The following MMS22L variants were observed in gnomAD, a reference collection of about 807,000 sequenced individuals.
MMS22L encodes protein MMS22-like.
Under a neutral mutation model 159.1 loss-of-function variants are expected in MMS22L, and 74 were observed. That is an observed-to-expected ratio of 0.47 (90% CI 0.39 to 0.56). MMS22L has a LOEUF of 0.56. MMS22L is among the 20% of genes least tolerant of loss of function. The pLI is 0.00. For synonymous variants in MMS22L, 517 were observed against 506.9 expected, an observed-to-expected ratio of 1.02 and a Z score of -0.27; for missense variants, 1,351 against 1,422.1, an observed-to-expected ratio of 0.95 and a Z score of 0.80.
At chr6:97,204,794 CA>C (rs58113888) in intron 14 of MMS22L, among the ~76,000 whole-genome samples, 8,315 of 106,218 alleles carry the variant, frequency 0.078, 323 homozygotes, top group African/African-American at 0.18. Context: ...GACTCAGTGT[CA>C]AAAAAAAAAA....
chr6:97,172,470 A>T (rs1220416733), intron 19 of MMS22L, among the ~76,000 whole-genome samples: 1 of 152,134 alleles, frequency 6.6e-6, no homozygotes, highest in Non-Finnish European at 1.5e-5. Flanking sequence ...CCTTTATCCA[A>T]TTCCTAGTTT....
chr6:97,251,510 T>C (rs1039382715), intron 10 of MMS22L, among the ~76,000 whole-genome samples: 6 of 152,240 alleles, frequency 3.9e-5, no homozygotes, highest in Admixed American at 2.0e-4. Context: ...AGGACTCATA[T>C]ATAAAGGCAA....
intron 6 of MMS22L, chr6:97,270,370 T>G: frequency 2.3e-6 from 1 of 441,526 alleles, no homozygotes; most frequent in East Asian, 6.9e-5. Flanking sequence ...AATGTATGAG[T>G]ACCCAGGAAC....
intron 3 of MMS22L, among the ~76,000 whole-genome samples, chr6:97,279,234 A>T (rs530889189): frequency 1.3e-5 from 2 of 152,218 alleles, no homozygotes; most frequent in Non-Finnish European, 2.9e-5. Context: ...CTGTAATCCC[A>T]GCACTTTGGG....
At chr6:97,255,437 C>A (rs939332716) in intron 9 of MMS22L, among the ~76,000 whole-genome samples, 1 of 151,966 alleles carries the variant, frequency 6.6e-6, no homozygotes, top group African/African-American at 2.4e-5. Context: ...TTTGAGGAAC[C>A]AACTTTTGCT....
In MMS22L at chr6:97,256,549, G is replaced by A. The variant is rs181329942; in HGVS notation, c.943-1816C>T. Reference sequence around the variant, plus strand: ...ACCTCACTTTTTAAAGATATTAATAGGTAAAGAATTTTAGGTTGACAAATA... The same window carrying A: ...ACCTCACTTTTTAAAGATATTAATAAGTAAAGAATTTTAGGTTGACAAATA... On this transcript the variant is annotated intron_variant, in intron 9 of 24. Transcript: ENST00000683635. Among the ~76,000 whole-genome samples the A allele has an allele frequency of 3.1e-3, 476 of 152,170 alleles. 2 individuals are homozygous for A. The highest frequency in any genetic ancestry group is 0.011 in the African/African-American group (443 of 41,488).
intron 11 of MMS22L, among the ~76,000 whole-genome samples, chr6:97,244,865 C>G (rs1269989584): frequency 6.6e-6 from 1 of 152,034 alleles, no homozygotes; most frequent in Non-Finnish European, 1.5e-5. Context: ...GGGCTTGATG[C>G]GACCACTGTG....
Position 97,165,448 on chromosome 6 carries a change from T to C in MMS22L, c.3019A>G (p.Ile1007Val), listed in dbSNP as rs368118820. ...GGATTTTGAGATTGACAACACACGA[T>C]ACACATGCCCTACAAGGAAAAAAAG... is the stretch of plus-strand genomic sequence containing the variant. Reference protein sequence around the residue: ...SLPLYLQGMCIVCCQSQNPNA... With the variant: ...SLPLYLQGMCVVCCQSQNPNA... Residue 1007 changes from isoleucine (I) to valine (V), a missense_variant, in exon 21 of 25, where the codon ATC (isoleucine) becomes GTC (valine). Ile to Val is a conservative substitution (Grantham distance 29). Coordinates refer to ENST00000683635, the MANE Select transcript of MMS22L (RefSeq NM_001350599.2). 4.3e-6 allele frequency: 7 copies of C among 1,611,436 alleles called. No homozygotes were observed. In the South Asian group the frequency reaches 6.6e-5, roughly 15 times the overall value.
intron 24 of MMS22L, among the ~76,000 whole-genome samples, chr6:97,147,692 T>C (rs1800982160): frequency 6.6e-6 from 1 of 152,174 alleles, no homozygotes; most frequent in Non-Finnish European, 1.5e-5. Context: ...AGCTACAATT[T>C]GAAGTGATTC....
At chr6:97,258,427 T>C (rs1582817755) in intron 9 of MMS22L, among the ~76,000 whole-genome samples, 1 of 152,214 alleles carries the variant, frequency 6.6e-6, no homozygotes, top group Admixed American at 6.5e-5. Flanking sequence ...AACTAAGATA[T>C]AGCTGCAATG....
intron 9 of MMS22L, chr6:97,259,727 T>C (rs1482032418): frequency 2.0e-5 from 3 of 151,748 alleles, no homozygotes; most frequent in Non-Finnish European, 1.5e-5. Context: ...ATATATCCTA[T>C]TGGCTGTTTC....
At chr6:97,253,157 T>G (rs541367124) in intron 10 of MMS22L, among the ~76,000 whole-genome samples, 1 of 152,306 alleles carries the variant, frequency 6.6e-6, no homozygotes, top group East Asian at 1.9e-4. Context: ...TTTCACTATA[T>G]TCTGGGATCT....
chr6:97,245,880 C>CACACACACAG (rs1554274632), intron 11 of MMS22L: 3 of 186,648 alleles, frequency 1.6e-5, no homozygotes, highest in African/African-American at 8.3e-5. Context: ...CACACACACA[C>CACACACACAG]ACACACACAC....
intron 14 of MMS22L, among the ~76,000 whole-genome samples, chr6:97,217,855 A>T (rs1217394863): frequency 6.6e-6 from 1 of 152,222 alleles, no homozygotes; most frequent in East Asian, 1.9e-4. Flanking sequence ...GTTCTGAGAA[A>T]TTTTCTTAAA....
At chr6:97,172,179 T>A (rs920178652) in intron 19 of MMS22L, among the ~76,000 whole-genome samples, 5 of 152,204 alleles carry the variant, frequency 3.3e-5, no homozygotes, top group African/African-American at 1.2e-4. Context: ...TATTTTACTA[T>A]TAAACTTATA....
chr6:97,233,834 G>A, intron 12 of MMS22L, 27 bp downstream of exon 12: 1 of 1,554,164 alleles, frequency 6.4e-7, no homozygotes, highest in South Asian at 1.2e-5. Flanking sequence ...AAAATTCCTG[G>A]AGCAAATTCC....
intron 14 of MMS22L, 82 bp downstream of exon 14, chr6:97,228,812 C>G: frequency 3.1e-6 from 4 of 1,289,772 alleles, no homozygotes; most frequent in Non-Finnish European, 4.2e-6. Flanking sequence ...TGTATATATG[C>G]ATATATATAA....
At chr6:97,254,271 G>A (rs1813541518) in intron 10 of MMS22L, 1 of 216,464 alleles carries the variant, frequency 4.6e-6, no homozygotes, top group Admixed American at 5.4e-5. Context: ...GTTAACGGAA[G>A]ACAAAGCTAG....
chr6:97,250,938 T>G (rs1424201239), intron 10 of MMS22L, among the ~76,000 whole-genome samples: 1 of 152,162 alleles, frequency 6.6e-6, no homozygotes, highest in Non-Finnish European at 1.5e-5. Flanking sequence ...TTTTCTCTAT[T>G]GTAGTTGCTT....
Sources: allele counts gnomAD v4.1 joint callset (sites outside exome capture counted in the v4.1 genomes callset), GRCh38; gene constraint gnomAD v4.1.1; transcripts MANE v1.5; gene names NCBI Gene and HGNC (gene_info 2026-07-23, HGNC 2026-07-21).